Variants in CBLB observed in about 807,000 individuals in gnomAD.
CBLB encodes the protein Cbl proto-oncogene B.
CBLB carries 31 observed loss-of-function variants against 104.9 expected under a neutral mutation model. The observed-to-expected ratio is 0.30, with a 90% CI of 0.22 to 0.40. The LOEUF (loss-of-function observed/expected upper bound fraction) is 0.40. Among genes scored for constraint, CBLB ranks in the 10% least tolerant of loss-of-function variants. The probability of loss-of-function intolerance (pLI) is 1.00; values close to 1 mark genes in which losing one functional copy is unlikely to be tolerated. For synonymous variants in CBLB, 440 were observed against 422.6 expected (o/e 1.04, Z -0.51); for missense variants, 1,062 against 1,214.6 (o/e 0.87, Z 1.87).
At chr3:105,793,849 G>C (rs1299644598) in intron 3 of CBLB, among the ~76,000 whole-genome samples, 1 of 149,784 alleles carries the variant, frequency 6.7e-6, no homozygotes, top group South Asian at 2.1e-4. Context: ...CTTTGAAAAA[G>C]AAATGCAAAA....
intron 12 of CBLB, among the ~76,000 whole-genome samples, chr3:105,697,023 T>C (rs556856381): frequency 6.6e-6 from 1 of 152,034 alleles, no homozygotes; most frequent in South Asian, 2.1e-4. Context: ...CTTGGAATTT[T>C]TTTTCTTCTT....
intron 4 of CBLB, among the ~76,000 whole-genome samples, chr3:105,769,039 C>T (rs898461573): frequency 5.9e-5 from 9 of 152,288 alleles, no homozygotes; most frequent in Middle Eastern, 6.8e-3. Flanking sequence ...TGCCGCCGGG[C>T]GTGATGGCTC....
At chr3:105,816,120 T>G (rs2085018608) in intron 3 of CBLB, among the ~76,000 whole-genome samples, 2 of 152,036 alleles carry the variant, frequency 1.3e-5, no homozygotes, top group South Asian at 4.1e-4. Flanking sequence ...GGTTGATGGG[T>G]GCAGTTAACC....
intron 3 of CBLB, among the ~76,000 whole-genome samples, chr3:105,817,509 C>A (rs1027709059): frequency 4.6e-5 from 7 of 152,028 alleles, no homozygotes; most frequent in Admixed American, 3.9e-4. Context: ...GAGGAATGCA[C>A]ATTAAGTAGT....
At chr3:105,695,922 G>A (rs1283790161) in intron 12 of CBLB, among the ~76,000 whole-genome samples, 2 of 151,584 alleles carry the variant, frequency 1.3e-5, no homozygotes, top group African/African-American at 2.4e-5. Context: ...CTGCTGATTG[G>A]CTCAGATGCA....
chr3:105,812,572 G>C (rs1560357544), intron 3 of CBLB, among the ~76,000 whole-genome samples: 1 of 152,152 alleles, frequency 6.6e-6, no homozygotes, highest in Non-Finnish European at 1.5e-5. Flanking sequence ...AAATGAGCAA[G>C]GGCAAAAGTT....
chr3:105,850,253 T>A (rs889753826), intron 3 of CBLB, among the ~76,000 whole-genome samples: 4 of 151,858 alleles, frequency 2.6e-5, no homozygotes. Context: ...TGGAAGAGGG[T>A]TTTTTATGTT....
At chr3:105,750,782 T>A (rs1447241374) in intron 5 of CBLB, among the ~76,000 whole-genome samples, 1 of 152,130 alleles carries the variant, frequency 6.6e-6, no homozygotes, top group Non-Finnish European at 1.5e-5. Flanking sequence ...GGAAAAACAA[T>A]AAGCACAACA....
chr3:105,679,881 C>G (rs1209149154), intron 16 of CBLB, among the ~76,000 whole-genome samples: 1 of 152,074 alleles, frequency 6.6e-6, no homozygotes, highest in Non-Finnish European at 1.5e-5. Flanking sequence ...ATGCACAAGA[C>G]AGAGTTTTGC....
chr3:105,670,129 G>T, intron 18 of CBLB, 104 bp downstream of exon 18: 1 of 1,017,010 alleles, frequency 9.8e-7, no homozygotes, highest in Non-Finnish European at 1.5e-6. Context: ...TTTCTTGGGT[G>T]GACAACATTC....
At chr3:105,791,070 T>A (rs2081577596) in intron 3 of CBLB, among the ~76,000 whole-genome samples, 1 of 152,238 alleles carries the variant, frequency 6.6e-6, no homozygotes. Flanking sequence ...TTAGGAATTC[T>A]TAGATTTTTA....
chr3:105,856,341 T>A (rs2091599941), intron 2 of CBLB, among the ~76,000 whole-genome samples: 1 of 93,556 alleles, frequency 1.1e-5, no homozygotes, highest in African/African-American at 4.3e-5. Context: ...AAAGCAAGAC[T>A]CCATCTCAAA....
Position 105,852,959 on chromosome 3 carries a change from C to T in CBLB, c.419+455G>A, listed in dbSNP as rs140095072. On this transcript the variant is annotated intron_variant, in intron 3 of 18. Transcript: ENST00000394030. ...CTCGAACTCCCGACCTCAAGTGATC[C>T]GCCCACCTCAGCCTCTCAAAGTGCT... 6.1e-3 allele frequency among the ~76,000 whole-genome samples: 921 copies of T among 152,192 alleles called. 11 individuals carry two copies. Among genetic ancestry groups the T allele is most frequent in the African/African-American group, 0.021 (873 of 41,516 alleles).
chr3:105,864,116 G>A (rs752355189), intron 2 of CBLB, among the ~76,000 whole-genome samples: 1 of 152,154 alleles, frequency 6.6e-6, no homozygotes, highest in Admixed American at 6.5e-5. Flanking sequence ...AATCCAGACA[G>A]AAAACTGTCT....
chr3:105,665,412 A>ATAT (rs1559734328), intron 18 of CBLB, among the ~76,000 whole-genome samples: 57 of 74,774 alleles, frequency 7.6e-4, no homozygotes, highest in South Asian at 3.3e-3. Flanking sequence ...TAAATAAATA[A>ATAT]ATAAATATAT....
intron 3 of CBLB, among the ~76,000 whole-genome samples, chr3:105,777,847 A>G (rs1367890577): frequency 1.3e-5 from 2 of 152,228 alleles, no homozygotes; most frequent in Admixed American, 6.5e-5. Flanking sequence ...AAACAGTACT[A>G]TCAATCACCT....
intron 13 of CBLB, among the ~76,000 whole-genome samples, chr3:105,690,779 G>A (rs572418481): frequency 1.4e-5 from 2 of 147,118 alleles, no homozygotes; most frequent in East Asian, 2.0e-4. Context: ...CCGAGATCGC[G>A]CCACTGCACT....
intron 7 of CBLB, among the ~76,000 whole-genome samples, chr3:105,738,107 A>T (rs1295741459): frequency 1.3e-5 from 2 of 152,200 alleles, no homozygotes; most frequent in Non-Finnish European, 2.9e-5. Context: ...CAGTTTATTA[A>T]ATTATGGTTA....
intron 10 of CBLB, among the ~76,000 whole-genome samples, chr3:105,711,771 G>C (rs1006999701): frequency 1.3e-5 from 2 of 152,018 alleles, no homozygotes; most frequent in Non-Finnish European, 2.9e-5. Context: ...CAGAATGTAG[G>C]CACCCTGCTA....
Sources: allele counts gnomAD v4.1 joint callset (sites outside exome capture counted in the v4.1 genomes callset), GRCh38; gene constraint gnomAD v4.1.1; transcripts MANE v1.5; gene names NCBI Gene and HGNC (gene_info 2026-07-23, HGNC 2026-07-21).